Variants in WDR26 observed in about 807,000 individuals in gnomAD.
The protein encoded by WDR26 is WD repeat domain 26.
A neutral mutation model predicts 84.1 loss-of-function variants in WDR26; 5 were observed. The ratio of observed to expected loss-of-function variants is 0.06; its 90% CI spans 0.03 to 0.13. WDR26 has a LOEUF of 0.13. Ranked by LOEUF, WDR26 falls within the 10% of genes least tolerant of loss-of-function variation. The pLI, the probability that WDR26 is intolerant of heterozygous loss-of-function variation, is 1.00. For missense variants in WDR26, 642 were observed against 974.9 expected (o/e 0.66, Z 4.55); for synonymous variants, 415 against 389.6 (o/e 1.07, Z -0.77).
chr1:224,403,430 A>C (rs1178909983), intron 8 of WDR26, among the ~76,000 whole-genome samples: 1 of 152,250 alleles, frequency 6.6e-6, no homozygotes. Flanking sequence ...AGTGGTGGGC[A>C]CATAGATCAT....
At chr1:224,427,923 A>G (rs1674274335) in intron 3 of WDR26, among the ~76,000 whole-genome samples, 1 of 152,164 alleles carries the variant, frequency 6.6e-6, no homozygotes, top group South Asian at 2.1e-4. Flanking sequence ...GGGCTCTACT[A>G]ATGTTTATAT....
intron 3 of WDR26, chr1:224,424,862 T>A (rs1674165425): frequency 1.6e-6 from 1 of 615,512 alleles, no homozygotes; most frequent in African/African-American, 1.8e-5. Flanking sequence ...TTACTAAAAC[T>A]CTGCTTTGAA....
Position 224,434,142 on chromosome 1 carries a change from G to A in WDR26, c.264C>T (p.His88=), listed in dbSNP as rs1674522224. The change falls in exon 1 of 14, where the codon CAC becomes CAT. Residue 88 remains histidine (H), a synonymous_variant. Coordinates refer to ENST00000414423, the MANE Select transcript of WDR26 (RefSeq NM_001379403.1). ...TGACCAGGCTGTGGCCGCTACTTCG[G>A]TGGGGGACAGCAGCGGCGGCGGGAG... 2 of 1,422,600 alleles carry A rather than the reference G, an allele frequency of 1.4e-6. No homozygotes were observed. Among genetic ancestry groups the A allele is most frequent in the Non-Finnish European group, 9.2e-7 (1 of 1,092,080 alleles). 88.1% of individuals were successfully genotyped at this position (1,422,600 alleles called of 1,614,324 possible).
intron 9 of WDR26, 100 bp from the exon 10 acceptor site, chr1:224,399,134 G>GTTT: frequency 1.6e-5 from 15 of 939,690 alleles, no homozygotes; most frequent in Non-Finnish European, 2.0e-5. Context: ...TTAGTAACAG[G>GTTT]TTTTTTTTTT....
intron 8 of WDR26, among the ~76,000 whole-genome samples, chr1:224,401,671 C>CAAAAAAAAAAAAAAAAAGAA (rs1673417301): frequency 4.0e-5 from 2 of 49,640 alleles, no homozygotes; most frequent in Admixed American, 3.1e-4. Flanking sequence ...GAGACTGTCT[C>CAAAAAAAAAAAAAAAAAGAA]AAAAAAAAAA....
chr1:224,404,879 G>A (rs996554224), intron 7 of WDR26, among the ~76,000 whole-genome samples: 5 of 152,032 alleles, frequency 3.3e-5, no homozygotes, highest in Non-Finnish European at 7.4e-5. Flanking sequence ...AAGCTTTCAA[G>A]GCAACTGAAA....
Position 224,404,545 on chromosome 1 carries a change from T to G in WDR26, c.1484A>C (p.Lys495Thr). 6.2e-7 allele frequency: 1 copy of G among 1,613,466 alleles called. No individual in the cohort carries two copies. Residue 495 changes from lysine (K) to threonine (T), a missense_variant, in exon 8 of 14, where the codon AAA becomes ACA. Physicochemically the swap from Lys to Thr is moderately conservative, Grantham distance 78. Transcript: ENST00000414423. ...GCCATAAGCATGTCCTTCTAATGTT[T>G]TAAGCAGTTTTAGCAGGTGTGTATC...
rs1337184670 is a variant in WDR26, at chr1:224,431,723, T to C, written c.781A>G (p.Thr261Ala). The change falls in exon 2 of 14, where the codon ACC becomes GCC. Residue 261 changes from threonine (T) to alanine (A), a missense_variant. Physicochemically the swap from Thr to Ala is moderately conservative, Grantham distance 58. Coordinates refer to ENST00000414423, the MANE Select transcript of WDR26 (RefSeq NM_001379403.1). ...TCCATGACATGATTTCGGAATTTGGTAGCAGAAGGATGTTCTAAACGACAT... is the reference window on the plus strand; with the variant it reads ...TCCATGACATGATTTCGGAATTTGGCAGCAGAAGGATGTTCTAAACGACAT... 6.2e-7 allele frequency: 1 copy of C among 1,613,870 alleles called. No homozygotes were observed. The highest frequency in any genetic ancestry group is 1.3e-5 in the African/African-American group (1 of 74,930).
Position 224,411,568 on chromosome 1 carries a change from A to G in WDR26, c.1320-3T>C. ...GCGTATAACATGGGAACTGCCTCCTAAAACAAAGAGGTCCACAAATTATTC... is the reference window on the plus strand; with the variant it reads ...GCGTATAACATGGGAACTGCCTCCTGAAACAAAGAGGTCCACAAATTATTC... On this transcript the variant is annotated splice_region_variant and splice_polypyrimidine_tract_variant and intron_variant, in intron 6 of 13. Transcript: ENST00000414423. 2 of 1,584,344 alleles carry G rather than the reference A, an allele frequency of 1.3e-6. No homozygotes were observed. Among genetic ancestry groups the G allele is most frequent in the South Asian group, 1.2e-5 (1 of 83,478 alleles).
chr1:224,428,466 AT>A (rs1288795672), intron 3 of WDR26, among the ~76,000 whole-genome samples: 2 of 152,148 alleles, frequency 1.3e-5, no homozygotes, highest in Non-Finnish European at 2.9e-5. Flanking sequence ...ATAGATGCCA[AT>A]TTTTCTTAAG....
At chr1:224,413,760 C>T (rs962269948) in intron 6 of WDR26, among the ~76,000 whole-genome samples, 1 of 152,172 alleles carries the variant, frequency 6.6e-6, no homozygotes, top group African/African-American at 2.4e-5. Flanking sequence ...AAATTCCAAT[C>T]AAATAAGCAA....
chr1:224,389,906 G>GCCGGC, intron 13 of WDR26, 46 bp from the exon 14 acceptor site: 1 of 470,794 alleles, frequency 2.1e-6, no homozygotes, highest in Non-Finnish European at 4.0e-6. Flanking sequence ...GCGGGGGAGG[G>GCCGGC]AAGAGGGGAA....
rs1674393801 is a variant in WDR26 at position 224,431,516 on chromosome 1, G to A, written c.888C>T (p.Gly296=). 3.7e-6 allele frequency: 6 copies of A among 1,613,968 alleles called. No homozygotes were observed. The highest frequency in any genetic ancestry group is 1.7e-4 in the Middle Eastern group (1 of 6,060). The change falls in exon 3 of 14, where the codon GGC becomes GGT. Residue 296 remains glycine, a synonymous_variant. Transcript: ENST00000414423. ...ACAACGTTTGAGAGATTTCAAGTGCGCCTCTTACCACAATAGCATGAGGAG... is the reference window on the plus strand; with the variant it reads ...ACAACGTTTGAGAGATTTCAAGTGCACCTCTTACCACAATAGCATGAGGAG...
At chr1:224,418,085 T>C (rs1402571567) in intron 6 of WDR26, among the ~76,000 whole-genome samples, 175 bp downstream of exon 6, 1 of 152,238 alleles carries the variant, frequency 6.6e-6, no homozygotes, top group Non-Finnish European at 1.5e-5. Context: ...GGTTACTAAG[T>C]AAACATACAG....
At position 224,389,455 on chromosome 1, in the gene WDR26, A is replaced by C. The variant is rs756571491; in HGVS notation, c.*380T>G. On this transcript the variant is annotated 3_prime_UTR_variant, in exon 14 of 14. Transcript: ENST00000414423. ...TATCAAGCCTTCTAAACTGTTAAAT[A>C]AAGTTTTCCAAACAAGCATTTAAAC... 2.2e-6 allele frequency: 1 copy of C among 462,974 alleles called. No individual in the cohort carries two copies. Among genetic ancestry groups the C allele is most frequent in the East Asian group, 3.6e-5 (1 of 28,166 alleles). The allele number at this position is 462,974 out of a possible 1,614,324, so 28.7% of individuals were successfully genotyped here. A position where few individuals can be genotyped will look rare whatever the true frequency, so the allele number is the denominator to read the frequency against.
intron 10 of WDR26, 66 bp from the exon 11 acceptor site, chr1:224,398,659 C>A: frequency 7.1e-7 from 1 of 1,415,458 alleles, no homozygotes; most frequent in South Asian, 1.3e-5. Flanking sequence ...ATTATCAATA[C>A]ATAAGATGTG....
At chr1:224,394,772 G>C (rs1054880574) in intron 12 of WDR26, among the ~76,000 whole-genome samples, 11 of 152,158 alleles carry the variant, frequency 7.2e-5, no homozygotes, top group African/African-American at 2.4e-4. Context: ...TGGGATTACA[G>C]GCATGAGCTA....
intron 7 of WDR26, among the ~76,000 whole-genome samples, chr1:224,409,616 C>G (rs1673677340): frequency 6.6e-6 from 1 of 152,104 alleles, no homozygotes; most frequent in South Asian, 2.1e-4. Context: ...AATCCCAGCA[C>G]TTTGGGAGGT....
chr1:224,400,546 T>C (rs1257965974), intron 9 of WDR26, among the ~76,000 whole-genome samples: 3 of 152,168 alleles, frequency 2.0e-5, no homozygotes, highest in African/African-American at 7.2e-5. Flanking sequence ...TATTTTGTTT[T>C]ATTTATGTAT....
Sources: allele counts gnomAD v4.1 joint callset (sites outside exome capture counted in the v4.1 genomes callset), GRCh38; gene constraint gnomAD v4.1.1; transcripts MANE v1.5; gene names NCBI Gene and HGNC (gene_info 2026-07-23, HGNC 2026-07-21).